The following MORC1 variants were observed in gnomAD, a reference collection of about 807,000 sequenced individuals.
MORC1 encodes MORC family CW-type zinc finger protein 1.
Under a neutral mutation model 134.9 loss-of-function variants are expected in MORC1, and 59 were observed. The ratio of observed to expected loss-of-function variants is 0.44; its 90% CI spans 0.35 to 0.54. The LOEUF is 0.54. Ranked by LOEUF, MORC1 falls within the 20% of genes least tolerant of loss-of-function variation. The pLI, the probability that MORC1 is intolerant of heterozygous loss-of-function variation, is 0.00. For missense variants in MORC1, 947 were observed against 1,134.5 expected (o/e 0.83, Z 2.37); for synonymous variants, 395 against 391.7 (o/e 1.01, Z -0.10).
chr3:108,987,219 T>C (rs557353041), intron 21 of MORC1, among the ~76,000 whole-genome samples: 9 of 152,202 alleles, frequency 5.9e-5, no homozygotes, highest in Non-Finnish European at 1.2e-4. Flanking sequence ...TTTGTGCAGA[T>C]ATTTTAAAAA....
At chr3:109,033,297 G>GAAGGA in intron 15 of MORC1, among the ~76,000 whole-genome samples, 1 of 45,252 alleles carries the variant, frequency 2.2e-5, no homozygotes, top group East Asian at 0.019. Context: ...AGGAAGGAAG[G>GAAGGA]AAGGAAGGAA....
chr3:109,092,165 A>G (rs1248791813), intron 8 of MORC1, among the ~76,000 whole-genome samples: 2 of 152,186 alleles, frequency 1.3e-5, no homozygotes, highest in African/African-American at 4.8e-5. Context: ...CCTTTCTGAC[A>G]CCGGCATATT....
At chr3:109,093,605 C>T (rs1306793543) in intron 7 of MORC1, 64 bp from the exon 8 acceptor site, 8 of 1,186,698 alleles carry the variant, frequency 6.7e-6, no homozygotes, top group Non-Finnish European at 8.6e-6. Flanking sequence ...AGTCATTGTG[C>T]TATCATTTCA....
At chr3:109,114,338 T>A in intron 2 of MORC1, 46 bp downstream of exon 2, 1 of 1,490,964 alleles carries the variant, frequency 6.7e-7, no homozygotes, top group Non-Finnish European at 9.3e-7. Context: ...ACAAGAGTTA[T>A]GTCATGAAAT....
At chr3:108,973,995 G>A (rs1947474713) in intron 24 of MORC1, among the ~76,000 whole-genome samples, 1 of 152,012 alleles carries the variant, frequency 6.6e-6, no homozygotes, top group African/African-American at 2.4e-5. Context: ...CTTTGATTGA[G>A]GAATTATTCC....
chr3:109,000,710 TA>T lies in MORC1; in HGVS notation c.2086-53del, dbSNP rs564225738. Reference sequence around the variant, plus strand: ...TACAAGGATTAGTGGCAATCAATGGTACATACTAAACTACCTTCACTCTTCA... The same window carrying T: ...TACAAGGATTAGTGGCAATCAATGGTCATACTAAACTACCTTCACTCTTCA... On this transcript the variant is annotated intron_variant, in intron 20 of 27. Coordinates refer to ENST00000232603, the MANE Select transcript of MORC1 (RefSeq NM_014429.4). The T allele has an allele frequency of 4.7e-4, 631 of 1,340,562 alleles. 3 individuals are homozygous for T. In the African/African-American group the frequency reaches 8.1e-3, roughly 17 times the overall value. The allele number at this position is 1,340,562 out of a possible 1,614,324, so 83.0% of individuals were successfully genotyped here. A position where few individuals can be genotyped will look rare whatever the true frequency, so the allele number is the denominator to read the frequency against.
chr3:108,972,936 A>C (rs1038166998), intron 24 of MORC1, among the ~76,000 whole-genome samples: 2 of 152,222 alleles, frequency 1.3e-5, no homozygotes, highest in African/African-American at 4.8e-5. Context: ...GAAAAACCAA[A>C]GGAGAAAATT....
At chr3:109,041,731 C>T (rs1949557573) in intron 14 of MORC1, among the ~76,000 whole-genome samples, 1 of 152,108 alleles carries the variant, frequency 6.6e-6, no homozygotes, top group Admixed American at 6.5e-5. Context: ...CCTGTAGTCC[C>T]AGCGACTCAG....
At chr3:109,021,179 T>C (rs1948949158) in intron 17 of MORC1, among the ~76,000 whole-genome samples, 1 of 152,154 alleles carries the variant, frequency 6.6e-6, no homozygotes, top group African/African-American at 2.4e-5. Flanking sequence ...CCCTGAGGTG[T>C]ACCCCAGACG....
intron 20 of MORC1, among the ~76,000 whole-genome samples, chr3:109,004,554 T>A (rs1226627966): frequency 6.6e-6 from 1 of 152,116 alleles, no homozygotes; most frequent in South Asian, 2.1e-4. Flanking sequence ...AGAATAAATG[T>A]GTTGTGATTC....
At chr3:109,088,933 G>A (rs1444863022) in intron 8 of MORC1, among the ~76,000 whole-genome samples, 2 of 152,070 alleles carry the variant, frequency 1.3e-5, no homozygotes, top group African/African-American at 4.8e-5. Flanking sequence ...TAGAGCTGGA[G>A]GCTGTTATTT....
At chr3:109,075,888 C>A (rs773791619) in intron 8 of MORC1, among the ~76,000 whole-genome samples, 119 of 152,026 alleles carry the variant, frequency 7.8e-4, no homozygotes, top group African/African-American at 2.8e-3. Flanking sequence ...TTACATTGGG[C>A]AGTATGGCCA....
intron 27 of MORC1, among the ~76,000 whole-genome samples, chr3:108,960,507 C>T (rs1462801762): frequency 1.3e-5 from 2 of 152,164 alleles, no homozygotes; most frequent in Non-Finnish European, 2.9e-5. Context: ...CAACAGTGGT[C>T]GGTCAAGAGC....
chr3:108,959,917 G>A (rs1052019178), intron 27 of MORC1, among the ~76,000 whole-genome samples: 9 of 152,152 alleles, frequency 5.9e-5, no homozygotes, highest in Non-Finnish European at 8.8e-5. Context: ...GGTGAGGCTT[G>A]GGTGGAAGAA....
rs750484233 is a variant in MORC1, at chr3:109,035,418, T to C, written c.1381A>G (p.Ile461Val). 1 of 1,542,610 alleles carries C rather than the reference T, an allele frequency of 6.5e-7. No homozygotes were observed. The highest frequency in any genetic ancestry group is 1.2e-5 in the South Asian group (1 of 82,660). ...GAATTTAAAGGTTTCTCCACATCGA[T>C]GTCATTCTGGTATCCAAATTCATTG... ...FCNEFGYQNDIDVEKPLNSFQ... is the reference protein window; with the variant it reads ...FCNEFGYQNDVDVEKPLNSFQ... The change falls in exon 15 of 28, where the codon ATC becomes GTC. Residue 461 changes from isoleucine (I) to valine (V), a missense_variant. Physicochemically the swap from Ile to Val is conservative, Grantham distance 29. Transcript: ENST00000232603.
chr3:109,073,304 T>G (rs1163060040), intron 8 of MORC1, among the ~76,000 whole-genome samples: 1 of 152,238 alleles, frequency 6.6e-6, no homozygotes, highest in African/African-American at 2.4e-5. Context: ...ACTAATGTTC[T>G]GTGGCTAAGG....
chr3:109,017,750 T>C (rs992308792), intron 17 of MORC1, among the ~76,000 whole-genome samples: 3 of 152,210 alleles, frequency 2.0e-5, no homozygotes, highest in African/African-American at 7.2e-5. Flanking sequence ...AATGATAGCA[T>C]CTTTTTTTAT....
chr3:109,079,892 C>A (rs1213343529), intron 8 of MORC1, among the ~76,000 whole-genome samples: 1 of 151,874 alleles, frequency 6.6e-6, no homozygotes, highest in Non-Finnish European at 1.5e-5. Context: ...ATAAAATACC[C>A]AAAAATATAC....
intron 14 of MORC1, among the ~76,000 whole-genome samples, chr3:109,046,757 A>G (rs1949705019): frequency 6.6e-6 from 1 of 152,262 alleles, no homozygotes; most frequent in Admixed American, 6.5e-5. Context: ...AACATGTGTT[A>G]TAGGATACAT....
Sources: gnomAD v4.1 joint callset for allele counts (sites outside exome capture counted in the v4.1 genomes callset) on GRCh38, gnomAD v4.1.1 for gene constraint, MANE v1.5 for transcripts, NCBI Gene and HGNC (gene_info 2026-07-23, HGNC 2026-07-21) for gene names.